Variants in TDP1 observed in about 807,000 individuals in gnomAD.
The protein encoded by TDP1 is tyrosyl-DNA phosphodiesterase 1, also known as tyr-DNA phosphodiesterase 1.
A neutral mutation model predicts 81.5 loss-of-function variants in TDP1; 64 were observed. The observed-to-expected ratio is 0.79, with a 90% confidence interval of 0.64 to 0.97. The LOEUF is 0.97. TDP1 is among the 50% of genes least tolerant of loss of function. The pLI is 0.00. For missense variants in TDP1, 723 were observed against 743.8 expected (o/e 0.97, Z 0.33); for synonymous variants, 256 against 264.3 (o/e 0.97, Z 0.30).
At chr14:90,031,628 G>C (rs1484494125) in intron 15 of TDP1, among the ~76,000 whole-genome samples, 3 of 152,088 alleles carry the variant, frequency 2.0e-5, no homozygotes, top group Non-Finnish European at 2.9e-5. Flanking sequence ...CTGCACTCCA[G>C]ACTGGGTGAC....
intron 13 of TDP1, among the ~76,000 whole-genome samples, chr14:89,992,470 A>T (rs202092321): frequency 6.6e-6 from 1 of 152,210 alleles, no homozygotes; most frequent in Non-Finnish European, 1.5e-5. Context: ...TCCTCCAGCC[A>T]CAGCAGTTGC....
At chr14:89,998,379 T>C (rs1405689775) in intron 14 of TDP1, among the ~76,000 whole-genome samples, 1 of 8,460 alleles carries the variant, frequency 1.2e-4, no homozygotes, top group East Asian at 0.013. Flanking sequence ...ACATTATATA[T>C]ATATATATAT....
rs764414862 is a variant in TDP1, at chr14:89,980,564, A to G, written c.816A>G (p.Glu272=). ...HHTKMMLLLY[E]EGLRVVIHTS... ...GGAAAATGATGCTGCTGCTCTATGA[A>G]GAAGGCCTCCGGGTTGTCATACACA... Residue 272 remains glutamate (E), a synonymous_variant, in exon 8 of 17, where the codon GAA becomes GAG. Coordinates refer to ENST00000335725, the MANE Select transcript of TDP1 (RefSeq NM_018319.4). The G allele has an allele frequency of 5.0e-6, 8 of 1,614,072 alleles. No individual in the cohort carries two copies. In the Admixed American group the frequency reaches 5.0e-5, roughly 10 times the overall value.
intron 6 of TDP1, among the ~76,000 whole-genome samples, chr14:89,974,416 A>T (rs1894026308): frequency 2.0e-5 from 3 of 152,202 alleles, no homozygotes; most frequent in African/African-American, 7.2e-5. Context: ...TGAAAACATG[A>T]AATAGAGTTC....
At chr14:89,990,325 T>A (rs1222947085) in intron 12 of TDP1, among the ~76,000 whole-genome samples, 1 of 152,140 alleles carries the variant, frequency 6.6e-6, no homozygotes, top group Non-Finnish European at 1.5e-5. Context: ...CACTAAACCT[T>A]TATTTAGAAT....
chr14:89,970,319 C>G (rs991079439), intron 5 of TDP1, among the ~76,000 whole-genome samples: 12 of 152,056 alleles, frequency 7.9e-5, no homozygotes, highest in Non-Finnish European at 1.5e-4. Flanking sequence ...GTAGCTTGGG[C>G]TCTGTTTCAT....
At chr14:90,020,713 A>T (rs1885975437) in intron 15 of TDP1, among the ~76,000 whole-genome samples, 1 of 137,424 alleles carries the variant, frequency 7.3e-6, no homozygotes, top group Non-Finnish European at 1.5e-5. Flanking sequence ...ACAAAGCTCC[A>T]TTGTGGACAA....
chr14:90,006,347 A>G (rs908264620), intron 14 of TDP1, among the ~76,000 whole-genome samples: 1 of 152,150 alleles, frequency 6.6e-6, no homozygotes, highest in African/African-American at 2.4e-5. Context: ...GATGTGTTGC[A>G]TCCTCTTAGT....
intron 16 of TDP1, among the ~76,000 whole-genome samples, chr14:90,038,987 A>G (rs1888098607): frequency 6.6e-6 from 1 of 151,708 alleles, no homozygotes; most frequent in African/African-American, 2.4e-5. Flanking sequence ...TTTTTGTTTC[A>G]TAGCACAAAC....
In TDP1 at chr14:89,971,196, G is replaced by T. The variant is rs1282100059; in HGVS notation, c.681G>T (p.Val227=). ...PEFRKKPILL[V]HGDKREAKAH... Reference sequence around the variant, plus strand: ...TTAGGAAGAAGCCAATCCTGCTTGTGCATGGTGATAAGCGAGAGGCTAAGG... The same window carrying T: ...TTAGGAAGAAGCCAATCCTGCTTGTTCATGGTGATAAGCGAGAGGCTAAGG... The change falls in exon 6 of 17, where the codon GTG becomes GTT. Residue 227 remains valine (V), a synonymous_variant. Coordinates refer to ENST00000335725, the MANE Select transcript of TDP1 (RefSeq NM_018319.4). 3 of 1,613,862 alleles carry T rather than the reference G, an allele frequency of 1.9e-6. No individual in the cohort carries two copies. Among genetic ancestry groups the T allele is most frequent in the Non-Finnish European group, 2.5e-6 (3 of 1,179,900 alleles).
chr14:89,989,509 A>G (rs1428153302), intron 11 of TDP1: 3 of 843,692 alleles, frequency 3.6e-6, no homozygotes, highest in Non-Finnish European at 4.3e-6. Flanking sequence ...AAATACTCCA[A>G]TTGAAGTATA....
chr14:89,976,939 A>C (rs541498294), intron 7 of TDP1, among the ~76,000 whole-genome samples: 2 of 152,100 alleles, frequency 1.3e-5, no homozygotes, highest in Non-Finnish European at 2.9e-5. Flanking sequence ...GGATTATTTG[A>C]GATCAGGAGT....
At chr14:89,967,224 C>G in intron 4 of TDP1, 143 bp from the exon 5 acceptor site, 1 of 1,365,534 alleles carries the variant, frequency 7.3e-7, no homozygotes, top group Non-Finnish European at 1.0e-6. Flanking sequence ...AGTATTGCAG[C>G]ATAACCCTCC....
intron 10 of TDP1, among the ~76,000 whole-genome samples, chr14:89,987,686 G>C (rs1895720309): frequency 6.6e-6 from 1 of 152,086 alleles, no homozygotes; most frequent in Non-Finnish European, 1.5e-5. Context: ...TAAATTTACT[G>C]CTGTCCCTCG....
chr14:89,989,060 T>TC lies in TDP1; in HGVS notation c.1289dup (p.Gly431ArgfsTer33). 1.2e-6 allele frequency: 2 copies of TC among 1,614,104 alleles called. No homozygotes were observed. Among genetic ancestry groups the TC allele is most frequent in the South Asian group, 2.2e-5 (2 of 91,074 alleles). On this transcript the variant is annotated frameshift_variant, in exon 11 of 17. Coordinates refer to ENST00000335725, the MANE Select transcript of TDP1 (RefSeq NM_018319.4). LOFTEE classifies it high-confidence loss of function. ...TGACACTGGGGAAGGAAAGCAAGAC[T>TC]CCAGGAAAAAGCTCTGTTCCTCTTT...
At chr14:90,012,959 A>C (rs1044407403) in intron 14 of TDP1, among the ~76,000 whole-genome samples, 1 of 152,220 alleles carries the variant, frequency 6.6e-6, no homozygotes, top group Non-Finnish European at 1.5e-5. Context: ...TCGGAGCTTT[A>C]AGATTTGACT....
intron 6 of TDP1, chr14:89,975,466 T>A: frequency 2.0e-6 from 2 of 984,892 alleles, no homozygotes; most frequent in South Asian, 9.4e-5. Context: ...GAGACTCACT[T>A]GTTTTACTAG....
intron 14 of TDP1, among the ~76,000 whole-genome samples, chr14:90,010,798 T>G (rs1241834685): frequency 1.3e-5 from 2 of 152,216 alleles, no homozygotes; most frequent in African/African-American, 4.8e-5. Context: ...GTCATTAAAT[T>G]TGTGGCATTT....
intron 14 of TDP1, among the ~76,000 whole-genome samples, chr14:90,008,147 G>A (rs953796969): frequency 8.6e-5 from 13 of 152,028 alleles, no homozygotes; most frequent in Admixed American, 6.5e-4. Flanking sequence ...TCAACAGTTC[G>A]GTAAAATTAT....
Sources: gnomAD v4.1 joint callset for allele counts (sites outside exome capture counted in the v4.1 genomes callset) on GRCh38, gnomAD v4.1.1 for gene constraint, MANE v1.5 for transcripts, NCBI Gene and HGNC (gene_info 2026-07-23, HGNC 2026-07-21) for gene names.